SIAH1: variants seen among roughly 807,000 people sequenced by gnomAD.
SIAH1 encodes the protein E3 ubiquitin-protein ligase SIAH1.
In SIAH1, 2 loss-of-function variants were observed where a neutral mutation model predicts 20.0. The observed-to-expected ratio is 0.10, with a 90% CI of 0.04 to 0.31. The LOEUF (loss-of-function observed/expected upper bound fraction) is 0.31, where lower values mean the gene tolerates loss of function less well. SIAH1 is among the 10% of genes least tolerant of loss of function. The pLI, the probability that SIAH1 is intolerant of heterozygous loss-of-function variation, is 1.00. For missense variants in SIAH1, 119 were observed against 355.3 expected (o/e 0.33, Z 5.35); for synonymous variants, 118 against 125.3 (o/e 0.94, Z 0.39).
intron 1 of SIAH1, among the ~76,000 whole-genome samples, chr16:48,369,776 T>C (rs1960936464): frequency 6.6e-6 from 1 of 152,194 alleles, no homozygotes; most frequent in Admixed American, 6.5e-5. Context: ...CCCTTCAACA[T>C]GCCAATAGTA....
chr16:48,382,105 A>G (rs145533701), intron 1 of SIAH1, among the ~76,000 whole-genome samples: 1 of 152,228 alleles, frequency 6.6e-6, no homozygotes. Flanking sequence ...GGCCAGGCAC[A>G]GCAGCTCACA....
intron 1 of SIAH1, chr16:48,364,978 T>C (rs1346267979): frequency 5.9e-6 from 1 of 170,940 alleles, no homozygotes; most frequent in Admixed American, 5.7e-5. Context: ...ACAATATATC[T>C]TTGCCATTTT....
upstream of SIAH1, among the ~76,000 whole-genome samples, chr16:48,386,840 C>T (rs1961477387): frequency 6.6e-6 from 1 of 152,166 alleles, no homozygotes; most frequent in Non-Finnish European, 1.5e-5. Flanking sequence ...ATGTGTTTCT[C>T]GCCCCCAGAA....
intron 1 of SIAH1, among the ~76,000 whole-genome samples, chr16:48,371,875 C>G (rs1278982994): frequency 1.3e-5 from 2 of 152,186 alleles, no homozygotes; most frequent in African/African-American, 2.4e-5. Flanking sequence ...TGCTCTTTTA[C>G]TCCATCTTGG....
intron 1 of SIAH1, chr16:48,365,847 A>T (rs1960813887): frequency 3.2e-6 from 4 of 1,250,580 alleles, no homozygotes; most frequent in African/African-American, 3.1e-5. Context: ...GCGCTGGCTG[A>T]GAAGGAAGTG....
chr16:48,372,118 G>T (rs1487544688), intron 1 of SIAH1, among the ~76,000 whole-genome samples: 1 of 152,030 alleles, frequency 6.6e-6, no homozygotes, highest in Non-Finnish European at 1.5e-5. Flanking sequence ...GAAGACTAAA[G>T]AAATTAAAGA....
Position 48,365,419 on chromosome 16 carries a change from C to T in SIAH1, c.-2-2989G>A, listed in dbSNP as rs145876583. On this transcript the variant is annotated intron_variant, in intron 1 of 1. Transcript: ENST00000394725. ...CTTCCTTGTCCTGGCCGCTGGTAAA[C>T]ATGTGAACAAGACTCCCCTCCAGGA... is the stretch of plus-strand genomic sequence containing the variant. The T allele has an allele frequency of 1.4e-4, 222 of 1,614,054 alleles. No homozygotes were observed. The African/African-American group carries it at 2.6e-3, about 19-fold the overall frequency.
intron 1 of SIAH1, among the ~76,000 whole-genome samples, chr16:48,364,210 G>C (rs2151046166): frequency 6.6e-6 from 1 of 152,100 alleles, no homozygotes; most frequent in South Asian, 2.1e-4. Context: ...AAAGTGCTGG[G>C]ATTACAGGCA....
chr16:48,366,711 A>T (rs949786205), intron 1 of SIAH1, among the ~76,000 whole-genome samples: 3 of 152,216 alleles, frequency 2.0e-5, no homozygotes, highest in African/African-American at 7.2e-5. Flanking sequence ...ATGCAGCAAG[A>T]GTTGGCAGTG....
chr16:48,377,765 G>A (rs973086054), intron 1 of SIAH1, among the ~76,000 whole-genome samples: 2 of 151,814 alleles, frequency 1.3e-5, no homozygotes. Flanking sequence ...GATGGTCAGG[G>A]AAAAGAATAA....
intron 1 of SIAH1, chr16:48,365,353 C>T (rs1375723378): frequency 6.2e-7 from 1 of 1,611,928 alleles, no homozygotes; most frequent in Admixed American, 1.7e-5. Flanking sequence ...TCAAGTTTCA[C>T]AGCCTCAGCA....
intron 1 of SIAH1, among the ~76,000 whole-genome samples, chr16:48,369,102 T>A (rs770030754): frequency 6.6e-5 from 10 of 152,148 alleles, no homozygotes; most frequent in Non-Finnish European, 1.0e-4. Context: ...ATTCAACAAG[T>A]TAAAATGCCA....
At chr16:48,383,314 T>A (rs1567378540) in intron 1 of SIAH1, among the ~76,000 whole-genome samples, 1 of 152,200 alleles carries the variant, frequency 6.6e-6, no homozygotes, top group East Asian at 1.9e-4. Flanking sequence ...ATCTGTATCT[T>A]TATTTAAATT....
chr16:48,366,799 T>C (rs1597023390), intron 1 of SIAH1, among the ~76,000 whole-genome samples: 1 of 152,254 alleles, frequency 6.6e-6, no homozygotes, highest in Non-Finnish European at 1.5e-5. Flanking sequence ...TTCCTCACTC[T>C]ATTAAGTGTG....
rs566337192 is a variant in SIAH1 at position 48,380,789 on chromosome 16, G to A, written c.-3+4415C>T. 1.2e-4 allele frequency among the ~76,000 whole-genome samples: 18 copies of A among 151,918 alleles called. No homozygotes were observed. In the South Asian group the frequency reaches 1.9e-3, roughly 16 times the overall value. On this transcript the variant is annotated intron_variant, in intron 1 of 1. Coordinates refer to ENST00000394725, the MANE Select transcript of SIAH1 (RefSeq NM_003031.4). ...AAGTAAAAAGAAAAATTAGCCGGGC[G>A]TGGTGGTGTATGCCTCTAATCCCAG...
Position 48,362,670 on chromosome 16 carries a change from A to G in SIAH1, c.-2-240T>C. 2.1e-6 allele frequency: 1 copy of G among 476,282 alleles called. No individual in the cohort carries two copies. Among genetic ancestry groups the G allele is most frequent in the Non-Finnish European group, 3.9e-6 (1 of 258,158 alleles). The allele number at this position is 476,282 out of a possible 1,614,324, so 29.5% of individuals were successfully genotyped here. ...CAAAATGTTCCGGAAAACATGTGGA[A>G]CTCCCTTAATCGTCTTTGGATAGAC... On this transcript the variant is annotated intron_variant, in intron 1 of 1. Coordinates refer to ENST00000394725, the MANE Select transcript of SIAH1 (RefSeq NM_003031.4). The surrounding 1 kb of genome is among the most constrained non-coding windows in gnomAD (Gnocchi z 4.2).
At chr16:48,365,315 C>T in intron 1 of SIAH1, 2 of 1,528,552 alleles carry the variant, frequency 1.3e-6, no homozygotes, top group Non-Finnish European at 1.8e-6. Flanking sequence ...ATTCCCTAAG[C>T]CAGGCAGGTT....
chr16:48,381,598 T>C (rs1325467848), intron 1 of SIAH1, among the ~76,000 whole-genome samples: 1 of 152,066 alleles, frequency 6.6e-6, no homozygotes, highest in East Asian at 1.9e-4. Flanking sequence ...TACCAAGCCA[T>C]AAAGACGTGG....
chr16:48,371,228 T>C (rs1231309685), intron 1 of SIAH1, among the ~76,000 whole-genome samples: 4 of 151,686 alleles, frequency 2.6e-5, no homozygotes, highest in Admixed American at 1.3e-4. Flanking sequence ...TGCACCATGA[T>C]TGTGTCTGTG....
Sources: gnomAD v4.1 joint callset for allele counts (sites outside exome capture counted in the v4.1 genomes callset) on GRCh38, gnomAD v4.1.1 for gene constraint, Gnocchi (gnomAD v3.1) non-coding constraint, MANE v1.5 for transcripts, NCBI Gene and HGNC (gene_info 2026-07-23, HGNC 2026-07-21) for gene names.